ARRB1: variants seen among roughly 807,000 people sequenced by gnomAD.
ARRB1 encodes beta-arrestin-1.
In ARRB1, 21 loss-of-function variants were observed where a neutral mutation model predicts 56.8. That is an observed-to-expected ratio of 0.37 (90% CI 0.26 to 0.53). The LOEUF (loss-of-function observed/expected upper bound fraction) is 0.53. Ranked by LOEUF, ARRB1 falls within the 20% of genes least tolerant of loss-of-function variation. The pLI is 0.88. For synonymous variants in ARRB1, 210 were observed against 218.6 expected, an observed-to-expected ratio of 0.96 and a Z score of 0.35; for missense variants, 424 against 553.7, an observed-to-expected ratio of 0.77 and a Z score of 2.35.
intron 10 of ARRB1, among the ~76,000 whole-genome samples, chr11:75,275,453 C>T (rs1453677238): frequency 1.3e-5 from 2 of 152,134 alleles, no homozygotes; most frequent in Non-Finnish European, 2.9e-5. Flanking sequence ...TCTCTAAACA[C>T]ATTTTAAAAA....
At chr11:75,308,570 CCT>C (rs1057068964) in intron 1 of ARRB1, among the ~76,000 whole-genome samples, 1 of 152,074 alleles carries the variant, frequency 6.6e-6, no homozygotes, top group African/African-American at 2.4e-5. Context: ...ATGGTGAAAC[CCT>C]GTCTCTACTA....
At chr11:75,311,625 G>C (rs1947161719) in intron 1 of ARRB1, among the ~76,000 whole-genome samples, 1 of 152,182 alleles carries the variant, frequency 6.6e-6, no homozygotes, top group Non-Finnish European at 1.5e-5. Context: ...TCCCATAATG[G>C]TGTTATTAAC....
intron 3 of ARRB1, among the ~76,000 whole-genome samples, chr11:75,285,198 C>T (rs1032879162): frequency 9.8e-5 from 15 of 152,296 alleles, no homozygotes; most frequent in African/African-American, 2.9e-4. Context: ...ATGGGGCTCC[C>T]GTGACGACTG....
Position 75,284,417 on chromosome 11 carries a change from T to C in ARRB1, c.113-138A>G, listed in dbSNP as rs923466494. ...TGAGAAAAATGGAAAGGCGGGCACC[T>C]AGAGGGTGGCACTGCCCACCTCCAC... On this transcript the variant is annotated intron_variant, in intron 3 of 15. Transcript: ENST00000420843. 1.1e-5 allele frequency: 9 copies of C among 833,274 alleles called. No homozygotes were observed. The African/African-American group carries it at 1.5e-4, about 14-fold the overall frequency. The allele number at this position is 833,274 out of a possible 1,614,324, so 51.6% of individuals were successfully genotyped here.
chr11:75,314,280 G>A (rs1048699202), intron 1 of ARRB1, among the ~76,000 whole-genome samples: 1 of 152,260 alleles, frequency 6.6e-6, no homozygotes, highest in Non-Finnish European at 1.5e-5. Context: ...TGGGAGGCTG[G>A]AGTCAAGAGG....
At chr11:75,306,598 C>T in intron 1 of ARRB1, 1 of 1,288,998 alleles carries the variant, frequency 7.8e-7, no homozygotes. Context: ...AGTGAAGAGG[C>T]CAGCCCAGAA....
intron 1 of ARRB1, among the ~76,000 whole-genome samples, chr11:75,329,254 C>T (rs1452371485): frequency 1.3e-5 from 2 of 152,064 alleles, no homozygotes; most frequent in African/African-American, 2.4e-5. Context: ...GCACGCACCA[C>T]CATGTCTAGC....
At chr11:75,290,379 G>A (rs1946579698) in intron 1 of ARRB1, among the ~76,000 whole-genome samples, 2 of 152,096 alleles carry the variant, frequency 1.3e-5, no homozygotes, top group East Asian at 1.9e-4. Flanking sequence ...CTCACCTCCC[G>A]GTGTCACCTC....
chr11:75,337,528 C>G (rs555568443), intron 1 of ARRB1, among the ~76,000 whole-genome samples: 156 of 152,332 alleles, frequency 1.0e-3, no homozygotes, highest in Non-Finnish European at 1.8e-3. Context: ...TAACCCAAGT[C>G]TGGCCCCACA....
chr11:75,293,622 G>C (rs1946658781), intron 1 of ARRB1, among the ~76,000 whole-genome samples: 1 of 152,194 alleles, frequency 6.6e-6, no homozygotes, highest in African/African-American at 2.4e-5. Flanking sequence ...GATTCACAGA[G>C]CTGGGTGCCT....
intron 1 of ARRB1, among the ~76,000 whole-genome samples, chr11:75,301,938 C>A (rs956927920): frequency 1.3e-5 from 2 of 152,128 alleles, no homozygotes; most frequent in African/African-American, 4.8e-5. Flanking sequence ...CAGAGATTTC[C>A]GGAGCCTGAG....
At chr11:75,346,267 C>A (rs779895933) in intron 1 of ARRB1, among the ~76,000 whole-genome samples, 6 of 152,184 alleles carry the variant, frequency 3.9e-5, no homozygotes, top group Non-Finnish European at 7.3e-5. Context: ...AGTCAGAAGC[C>A]CCTCCTTTCT....
At chr11:75,282,743 G>A (rs909269447) in intron 5 of ARRB1, among the ~76,000 whole-genome samples, 4 of 152,192 alleles carry the variant, frequency 2.6e-5, no homozygotes, top group African/African-American at 7.2e-5. Flanking sequence ...ACATGTCTAC[G>A]TAGAAAAGGT....
At chr11:75,346,897 T>C (rs1947777027) in intron 1 of ARRB1, among the ~76,000 whole-genome samples, 1 of 152,198 alleles carries the variant, frequency 6.6e-6, no homozygotes, top group African/African-American at 2.4e-5. Flanking sequence ...CCCCACTACG[T>C]CCAGCCTATA....
intron 1 of ARRB1, among the ~76,000 whole-genome samples, chr11:75,322,863 C>G (rs1947368906): frequency 6.6e-6 from 1 of 152,164 alleles, no homozygotes; most frequent in Non-Finnish European, 1.5e-5. Flanking sequence ...TGGGAAACCT[C>G]TCAGGGTCTC....
At chr11:75,302,468 C>T (rs1023894544) in intron 1 of ARRB1, among the ~76,000 whole-genome samples, 7 of 152,238 alleles carry the variant, frequency 4.6e-5, no homozygotes, top group Admixed American at 2.0e-4. Context: ...TTTCCCCAGG[C>T]GGGCTGGCAG....
intron 1 of ARRB1, among the ~76,000 whole-genome samples, chr11:75,332,352 C>T (rs997654708): frequency 6.6e-6 from 1 of 152,176 alleles, no homozygotes; most frequent in Admixed American, 6.6e-5. Context: ...GGAAAATCTG[C>T]GTCTGTAAAC....
intron 1 of ARRB1, among the ~76,000 whole-genome samples, chr11:75,300,808 A>C (rs1049931775): frequency 2.0e-5 from 3 of 150,954 alleles, no homozygotes; most frequent in Non-Finnish European, 4.4e-5. Context: ...CTACTAAAAA[A>C]CACAAAAAAA....
intron 1 of ARRB1, among the ~76,000 whole-genome samples, chr11:75,343,365 T>C (rs145132418): frequency 3.9e-5 from 6 of 152,194 alleles, no homozygotes; most frequent in African/African-American, 1.4e-4. Context: ...CCAGCAATAA[T>C]ACAGGCTTGT....
Sources: allele counts gnomAD v4.1 joint callset (sites outside exome capture counted in the v4.1 genomes callset), GRCh38; gene constraint gnomAD v4.1.1; transcripts MANE v1.5; gene names NCBI Gene and HGNC (gene_info 2026-07-23, HGNC 2026-07-21).